Variants in USPL1 observed in about 807,000 individuals in gnomAD.
The protein encoded by USPL1 is ubiquitin specific peptidase like 1, also known as SUMO-specific isopeptidase USPL1.
In USPL1, 27 loss-of-function variants were observed where a neutral mutation model predicts 51.5. That is an observed-to-expected ratio of 0.52 (90% CI 0.39 to 0.72). USPL1 has a LOEUF of 0.72. USPL1 is among the 30% of genes least tolerant of loss of function. The probability of loss-of-function intolerance (pLI) is 0.00; values close to 1 mark genes in which losing one functional copy is unlikely to be tolerated. For missense variants in USPL1, 1,226 were observed against 1,268.0 expected (o/e 0.97, Z 0.50); for synonymous variants, 451 against 459.6 (o/e 0.98, Z 0.24).
rs540172668 is a variant in USPL1, at chr13:30,640,184, T to G, written c.982+2327T>G. ...ATATTTTAATTCATGGAGAACTTTA[T>G]GTATTTTAGACCTGAAGATTTTATA... is the stretch of plus-strand genomic sequence containing the variant. On this transcript the variant is annotated intron_variant, in intron 5 of 8. Coordinates refer to ENST00000255304, the MANE Select transcript of USPL1 (RefSeq NM_005800.5). 5.3e-5 allele frequency among the ~76,000 whole-genome samples: 8 copies of G among 152,352 alleles called. No homozygotes were observed. In the South Asian group the frequency reaches 1.7e-3, roughly 32 times the overall value.
At chr13:30,654,302 T>A (rs2137717245) in intron 8 of USPL1, among the ~76,000 whole-genome samples, 1 of 152,254 alleles carries the variant, frequency 6.6e-6, no homozygotes, top group Admixed American at 6.5e-5. Flanking sequence ...TATTGGTTTT[T>A]GGCCCGCCTA....
chr13:30,642,942 C>T (rs899785799), intron 6 of USPL1, among the ~76,000 whole-genome samples, 185 bp downstream of exon 6: 1 of 152,078 alleles, frequency 6.6e-6, no homozygotes, highest in African/African-American at 2.4e-5. Context: ...GAAATAGGGA[C>T]GATGAGAGGA....
intron 1 of USPL1, among the ~76,000 whole-genome samples, chr13:30,618,673 C>T (rs770205370): frequency 7.2e-5 from 11 of 152,004 alleles, no homozygotes; most frequent in Non-Finnish European, 1.2e-4. Flanking sequence ...TCATGCTGGG[C>T]TAATAATTCA....
At chr13:30,657,387 G>T (rs1027850161) in intron 8 of USPL1, 87 bp from the exon 9 acceptor site, 2 of 1,342,842 alleles carry the variant, frequency 1.5e-6, no homozygotes, top group Non-Finnish European at 2.0e-6. Flanking sequence ...GGTATTCAAT[G>T]ATACAACAGT....
At position 30,659,380 on chromosome 13, in the gene USPL1, A is replaced by T. The variant is rs768042373; in HGVS notation, c.*24A>T. 9.3e-6 allele frequency: 14 copies of T among 1,501,806 alleles called. No homozygotes were observed. In the African/African-American group the frequency reaches 9.9e-5, roughly 11 times the overall value. 93.0% of individuals were successfully genotyped at this position (1,501,806 alleles called of 1,614,324 possible). On this transcript the variant is annotated 3_prime_UTR_variant, in exon 9 of 9. Transcript: ENST00000255304. ...GAATTAATGCTTGTTAACTTTTTTC[A>T]TATAATATTTATTATTATTAGAAGA...
intron 8 of USPL1, among the ~76,000 whole-genome samples, chr13:30,655,649 A>G (rs777603303): frequency 6.6e-6 from 1 of 152,232 alleles, no homozygotes; most frequent in Non-Finnish European, 1.5e-5. Flanking sequence ...AACTGAGCGC[A>G]CTTTCAATAT....
chr13:30,624,662 C>T (rs1053334586), intron 3 of USPL1, among the ~76,000 whole-genome samples: 5 of 152,248 alleles, frequency 3.3e-5, no homozygotes, highest in African/African-American at 9.6e-5. Context: ...CCAGGAAAGG[C>T]TATGAAGAGA....
chr13:30,657,601 A>T lies in USPL1; in HGVS notation c.1524A>T (p.Glu508Asp). 2 of 1,614,232 alleles carry T rather than the reference A, an allele frequency of 1.2e-6. No homozygotes were observed. Among genetic ancestry groups the T allele is most frequent in the Non-Finnish European group, 1.7e-6 (2 of 1,180,034 alleles). Residue 508 changes from glutamate to aspartate, a missense_variant, in exon 9 of 9, where the codon GAA (glutamate) becomes GAT (aspartate). Transcript: ENST00000255304. ...AAATATCCCAAGTGACAGATAAAGA[A>T]GCTGCCTGCCTTCCACTTAAAAAGA... ...ERKISQVTDK[E>D]AACLPLKKTN...
intron 3 of USPL1, among the ~76,000 whole-genome samples, chr13:30,629,908 G>A (rs1950777469): frequency 6.6e-6 from 1 of 152,104 alleles, no homozygotes; most frequent in African/African-American, 2.4e-5. Flanking sequence ...AGTTCATAGG[G>A]AGGGCCATCA....
chr13:30,639,568 C>A (rs1229627357), intron 5 of USPL1, among the ~76,000 whole-genome samples: 1 of 151,890 alleles, frequency 6.6e-6, no homozygotes, highest in Non-Finnish European at 1.5e-5. Context: ...AATGAATATT[C>A]TTTTTTCTTT....
Position 30,658,548 on chromosome 13 carries a change from C to A in USPL1, c.2471C>A (p.Pro824His). 1 of 1,614,114 alleles carries A rather than the reference C, an allele frequency of 6.2e-7. No homozygotes were observed. The highest frequency in any genetic ancestry group is 1.3e-5 in the African/African-American group (1 of 75,054). ...CGTAAGAGTGCAAGTAAGCCTCCTC[C>A]CATCAGTAAGCCACCAGCAGGCCCT... ...KARKSASKPP[P>H]ISKPPAGPPS... Residue 824 changes from proline (P) to histidine (H), a missense_variant, in exon 9 of 9, where the codon CCC (proline) becomes CAC (histidine). Pro to His is a moderately conservative substitution (Grantham distance 77). Transcript: ENST00000255304.
chr13:30,624,475 G>A (rs1032322577), intron 3 of USPL1, among the ~76,000 whole-genome samples: 4 of 152,096 alleles, frequency 2.6e-5, no homozygotes, highest in Non-Finnish European at 5.9e-5. Flanking sequence ...TAAATTAGCT[G>A]GGCATGGTGG....
intron 3 of USPL1, among the ~76,000 whole-genome samples, chr13:30,626,313 A>AAAATAAATAAAT (rs57602031): frequency 0.021 from 3,185 of 149,282 alleles, 45 homozygotes; most frequent in Non-Finnish European, 0.03. Context: ...ACTCTATCTC[A>AAAATAAATAAAT]AAATAAATAA....
At chr13:30,642,301 C>T (rs908125707) in intron 5 of USPL1, among the ~76,000 whole-genome samples, 19 of 151,820 alleles carry the variant, frequency 1.3e-4, no homozygotes, top group Admixed American at 1.0e-3. Flanking sequence ...ATCATAGTTC[C>T]GAGATCTTTT....
At chr13:30,649,293 A>C (rs755889509) in intron 7 of USPL1, among the ~76,000 whole-genome samples, 1 of 152,108 alleles carries the variant, frequency 6.6e-6, no homozygotes, top group African/African-American at 2.4e-5. Flanking sequence ...TGTTTTTTTA[A>C]TTTTGAAATT....
chr13:30,652,969 T>C (rs1171288779), intron 7 of USPL1, among the ~76,000 whole-genome samples, 179 bp from the exon 8 acceptor site: 2 of 152,250 alleles, frequency 1.3e-5, no homozygotes, highest in Admixed American at 6.5e-5. Context: ...TAGTGTTACA[T>C]ACTTCTTAGA....
rs1950962985 is a variant in USPL1 at position 30,642,647 on chromosome 13, GT to G, written c.1005del (p.Phe335LeufsTer7). The G allele has an allele frequency of 4.3e-6, 7 of 1,613,186 alleles. No homozygotes were observed. The highest frequency in any genetic ancestry group is 5.9e-6 in the Non-Finnish European group (7 of 1,179,748). On this transcript the variant is annotated frameshift_variant, in exon 6 of 9. Coordinates refer to ENST00000255304, the MANE Select transcript of USPL1 (RefSeq NM_005800.5). LOFTEE classifies it high-confidence loss of function. Reference sequence around the variant, plus strand: ...TTGAAGGTGATATGGAAAGCCCTGTGTTTGCATTTCCCCTGCTCTTAAAACT... The same window carrying G: ...TTGAAGGTGATATGGAAAGCCCTGTGTTGCATTTCCCCTGCTCTTAAAACT... ...CTLGDMESPV[F>X]AFPLLLKLET... is the part of the protein sequence containing the mutation.
At chr13:30,654,834 CAT>C (rs1034809001) in intron 8 of USPL1, among the ~76,000 whole-genome samples, 28 of 151,508 alleles carry the variant, frequency 1.8e-4, no homozygotes, top group Admixed American at 8.5e-4. Context: ...TTTTTTAATT[CAT>C]ATGTCTTTTT....
intron 3 of USPL1, among the ~76,000 whole-genome samples, chr13:30,625,046 T>C (rs935052841): frequency 6.6e-6 from 1 of 152,220 alleles, no homozygotes; most frequent in African/African-American, 2.4e-5. Flanking sequence ...AAGCTTCTCT[T>C]TTCTTTTTAT....
Sources: allele counts gnomAD v4.1 joint callset (sites outside exome capture counted in the v4.1 genomes callset), GRCh38; gene constraint gnomAD v4.1.1; transcripts MANE v1.5; gene names NCBI Gene and HGNC (gene_info 2026-07-23, HGNC 2026-07-21).